Variants in SOX5 observed in about 807,000 individuals in gnomAD.
SOX5 encodes the protein transcription factor SOX-5.
A neutral mutation model predicts 92.0 loss-of-function variants in SOX5; 9 were observed. The observed-to-expected ratio is 0.10, with a 90% CI of 0.06 to 0.17. SOX5 has a LOEUF of 0.17. SOX5 is among the 10% of genes least tolerant of loss of function. The pLI, the probability that SOX5 is intolerant of heterozygous loss-of-function variation, is 1.00. For missense variants in SOX5, 642 were observed against 944.5 expected (o/e 0.68, Z 4.20); for synonymous variants, 344 against 336.3 (o/e 1.02, Z -0.25).
chr12:24,548,275 A>G (rs1222801047), intron 1 of SOX5, among the ~76,000 whole-genome samples: 4 of 152,248 alleles, frequency 2.6e-5, no homozygotes, highest in African/African-American at 9.6e-5. Flanking sequence ...CATGATTACA[A>G]TATGCTACAA....
At chr12:23,943,842 T>C (rs1346599136) in intron 1 of SOX5, among the ~76,000 whole-genome samples, 1 of 152,148 alleles carries the variant, frequency 6.6e-6, no homozygotes. Flanking sequence ...CAAAAACTCC[T>C]TAAACTACCT....
rs929107969 is a variant in SOX5, at chr12:23,611,385, T to C, written c.1018-6852A>G. On this transcript the variant is annotated intron_variant, in intron 8 of 14. Coordinates refer to ENST00000451604, the MANE Select transcript of SOX5 (RefSeq NM_006940.6). ...GTGTGTGTGCGTGTGTGTGTGTGTG[T>C]GTGTGTGTGTATTTATACATATATC... Among the ~76,000 whole-genome samples, 42 of 144,688 alleles carry C rather than the reference T, an allele frequency of 2.9e-4. 1 individual carries two copies. Among genetic ancestry groups the C allele is most frequent in the Admixed American group, 2.1e-3 (30 of 14,434 alleles). 94.9% of individuals were successfully genotyped at this position (144,688 alleles called of 152,430 possible).
intron 8 of SOX5, among the ~76,000 whole-genome samples, chr12:23,621,202 T>C (rs1279058510): frequency 6.6e-6 from 1 of 151,874 alleles, no homozygotes; most frequent in Non-Finnish European, 1.5e-5. Context: ...TTAGGCTAAA[T>C]GACATAAACC....
At chr12:24,478,272 G>A (rs1489099907) in intron 1 of SOX5, among the ~76,000 whole-genome samples, 1 of 152,064 alleles carries the variant, frequency 6.6e-6, no homozygotes, top group African/African-American at 2.4e-5. Context: ...GTTCATAAAG[G>A]ATCAAATTTC....
At chr12:24,268,583 C>T (rs1347518588) in intron 3 of SOX5, among the ~76,000 whole-genome samples, 1 of 152,110 alleles carries the variant, frequency 6.6e-6, no homozygotes, top group Non-Finnish European at 1.5e-5. Context: ...TATTAAGAAA[C>T]AAAGGATGTA....
chr12:24,516,696 T>A (rs1374524011), intron 1 of SOX5, among the ~76,000 whole-genome samples: 1 of 152,204 alleles, frequency 6.6e-6, no homozygotes, highest in Non-Finnish European at 1.5e-5. Context: ...TAGTCTGAGT[T>A]ACAATTTTAG....
At chr12:24,089,967 AT>A (rs1188419877) in intron 4 of SOX5, among the ~76,000 whole-genome samples, 2 of 152,102 alleles carry the variant, frequency 1.3e-5, no homozygotes, top group Non-Finnish European at 2.9e-5. Context: ...GCATGTAGGT[AT>A]TTTTTTCCTT....
At chr12:23,708,186 T>TG (rs2091649372) in intron 6 of SOX5, among the ~76,000 whole-genome samples, 1 of 151,668 alleles carries the variant, frequency 6.6e-6, no homozygotes, top group Non-Finnish European at 1.5e-5. Flanking sequence ...GGAACTATTT[T>TG]TTTTTTTTCT....
At chr12:24,451,808 A>C (rs923691551) in intron 1 of SOX5, among the ~76,000 whole-genome samples, 5 of 152,220 alleles carry the variant, frequency 3.3e-5, no homozygotes, top group African/African-American at 1.2e-4. Flanking sequence ...GCATAGGGTT[A>C]GTATAAACAT....
At chr12:23,932,060 A>G (rs551266893) in intron 1 of SOX5, among the ~76,000 whole-genome samples, 1 of 151,576 alleles carries the variant, frequency 6.6e-6, no homozygotes, top group Non-Finnish European at 1.5e-5. Context: ...TCTAAGCCAA[A>G]AAAAAAAAGT....
chr12:23,692,201 G>A (rs1450338188), intron 6 of SOX5, among the ~76,000 whole-genome samples: 64 of 152,044 alleles, frequency 4.2e-4, no homozygotes, highest in Non-Finnish European at 5.9e-5. Flanking sequence ...GGGAGGCCGA[G>A]ACAGGCGGAT....
At chr12:23,911,884 G>T (rs2097356067) in intron 1 of SOX5, among the ~76,000 whole-genome samples, 1 of 152,088 alleles carries the variant, frequency 6.6e-6, no homozygotes, top group Non-Finnish European at 1.5e-5. Flanking sequence ...GTGGCCTTGG[G>T]TTAGGCAATG....
intron 1 of SOX5, among the ~76,000 whole-genome samples, chr12:24,506,406 C>CA (rs869163879): frequency 1.5e-3 from 125 of 83,890 alleles, no homozygotes; most frequent in Middle Eastern, 5.4e-3. Flanking sequence ...CATAAATTTA[C>CA]AAAAAAAAAA....
intron 1 of SOX5, among the ~76,000 whole-genome samples, chr12:24,382,637 G>A (rs181226736): frequency 6.6e-6 from 1 of 152,266 alleles, no homozygotes; most frequent in East Asian, 1.9e-4. Context: ...GACTAAAAAG[G>A]AGCCAGTAGA....
intron 2 of SOX5, among the ~76,000 whole-genome samples, chr12:23,857,584 T>C (rs969879479): frequency 6.6e-6 from 1 of 152,164 alleles, no homozygotes; most frequent in East Asian, 1.9e-4. Context: ...TCCCTCTTCA[T>C]CCATAGCCTG....
intron 1 of SOX5, among the ~76,000 whole-genome samples, chr12:24,414,070 A>G (rs1566105533): frequency 1.3e-5 from 2 of 152,194 alleles, no homozygotes; most frequent in Admixed American, 6.5e-5. Flanking sequence ...GAAGGAAAAA[A>G]TTCTTGTTCA....
intron 4 of SOX5, among the ~76,000 whole-genome samples, chr12:24,071,568 G>A (rs1387740072): frequency 7.1e-6 from 1 of 141,414 alleles, no homozygotes. Context: ...CTGAGTAGCT[G>A]GGATACAGGC....
chr12:23,683,984 G>C (rs946149162), intron 6 of SOX5, among the ~76,000 whole-genome samples: 11 of 151,924 alleles, frequency 7.2e-5, no homozygotes, highest in South Asian at 4.1e-4. Flanking sequence ...GACAGATGTC[G>C]AGAGACACAT....
chr12:24,056,974 C>CAAAAAAAAAAAAAAAAAAAA lies in SOX5; in HGVS notation c.-2+156368_-2+156369insTTTTTTTTTTTTTTTTTTTT, dbSNP rs60085412. Among the ~76,000 whole-genome samples the CAAAAAAAAAAAAAAAAAAAA allele has an allele frequency of 2.4e-3, 89 of 36,820 alleles. 1 individual carries two copies. Among genetic ancestry groups the CAAAAAAAAAAAAAAAAAAAA allele is most frequent in the East Asian group, 7.0e-3 (9 of 1,282 alleles). 24.2% of individuals were successfully genotyped at this position (36,820 alleles called of 152,430 possible). On this transcript the variant is annotated intron_variant, in intron 4 of 4. Transcript: ENST00000446891. ...TGGGCGACAGAGCGAGACTCCGTCT[C>CAAAAAAAAAAAAAAAAAAAA]AAAAAAAAAAAAAAAAAAATTCAAC... is the stretch of plus-strand genomic sequence containing the variant.
Sources: allele counts gnomAD v4.1 joint callset (sites outside exome capture counted in the v4.1 genomes callset), GRCh38; gene constraint gnomAD v4.1.1; transcripts MANE v1.5; gene names NCBI Gene and HGNC (gene_info 2026-07-23, HGNC 2026-07-21).